TGS1: variants seen among roughly 807,000 people sequenced by gnomAD.
TGS1 encodes trimethylguanosine synthase 1.
In TGS1, 69 loss-of-function variants were observed where a neutral mutation model predicts 92.2. That is an observed-to-expected ratio of 0.75 (90% CI 0.62 to 0.91). The LOEUF (loss-of-function observed/expected upper bound fraction) is 0.91, where lower values mean the gene tolerates loss of function less well. TGS1 is among the 40% of genes least tolerant of loss of function. The probability of loss-of-function intolerance (pLI) is 0.00; values close to 1 mark genes in which losing one functional copy is unlikely to be tolerated. For missense variants in TGS1, 1,062 were observed against 1,001.2 expected, an observed-to-expected ratio of 1.06 and a Z score of -0.82; for synonymous variants, 345 against 338.1, an observed-to-expected ratio of 1.02 and a Z score of -0.22.
Position 55,798,914 on chromosome 8 carries a change from G to T in TGS1, c.1543G>T (p.Val515Leu), listed in dbSNP as rs138775007. Residue 515 changes from valine (V) to leucine (L), a missense_variant and splice_region_variant, in exon 8 of 13, where the codon GTA (valine) becomes TTA (leucine). By Grantham distance (32) the Val-to-Leu change is conservative (BLOSUM62 1). Coordinates refer to ENST00000260129, the MANE Select transcript of TGS1 (RefSeq NM_024831.8). The part of the protein sequence containing the change: ...FFKKSKILSK[V>L]EKFLTWVNKP... Reference sequence around the variant, plus strand: ...TCATGATGTCATCTTAAAATTTAAGGTAGAAAAATTCCTCACATGGGTTAA... The same window carrying T: ...TCATGATGTCATCTTAAAATTTAAGTTAGAAAAATTCCTCACATGGGTTAA... 64 of 1,592,464 alleles carry T rather than the reference G, an allele frequency of 4.0e-5. No individual in the cohort carries two copies. In the African/African-American group the frequency reaches 8.7e-4, roughly 22 times the overall value.
intron 5 of TGS1, among the ~76,000 whole-genome samples, chr8:55,791,362 C>G (rs1811882107): frequency 6.6e-6 from 1 of 152,198 alleles, no homozygotes; most frequent in African/African-American, 2.4e-5. Flanking sequence ...CAGATAGCTG[C>G]TTATACAGGA....
intron 12 of TGS1, among the ~76,000 whole-genome samples, chr8:55,815,034 G>A (rs778673295): frequency 1.3e-5 from 2 of 151,712 alleles, no homozygotes; most frequent in Non-Finnish European, 2.9e-5. Context: ...GCTCTACATC[G>A]TCTCATCAGA....
chr8:55,813,872 T>C (rs1028043942), intron 12 of TGS1, among the ~76,000 whole-genome samples: 1 of 152,214 alleles, frequency 6.6e-6, no homozygotes, highest in African/African-American at 2.4e-5. Context: ...GAAGTCCAAT[T>C]TATCTTTCTT....
intron 12 of TGS1, among the ~76,000 whole-genome samples, chr8:55,814,659 T>TA (rs1186059592): frequency 0.012 from 1,439 of 116,096 alleles, 21 homozygotes; most frequent in East Asian, 0.02. Context: ...CGTCTCTACT[T>TA]AAAAAAAAAA....
In TGS1 at chr8:55,785,856, C is replaced by A; in HGVS notation, c.304C>A (p.Gln102Lys). The A allele has an allele frequency of 6.2e-7, 1 of 1,612,228 alleles. No homozygotes were observed. The highest frequency in any genetic ancestry group is 8.5e-7 in the Non-Finnish European group (1 of 1,179,348). ...ELMRSMGLPL[Q>K]FGRITAHKDF... ...CATGAGAAGTATGGGATTGCCACTT[C>A]AATTTGGTAGGATAACTGCACATAA... Residue 102 changes from glutamine (Q) to lysine (K), a missense_variant, in exon 3 of 13, where the codon CAA becomes AAA. Coordinates refer to ENST00000260129, the MANE Select transcript of TGS1 (RefSeq NM_024831.8).
chr8:55,799,477 C>A (rs958300006), intron 8 of TGS1, among the ~76,000 whole-genome samples: 2 of 152,178 alleles, frequency 1.3e-5, no homozygotes, highest in Non-Finnish European at 2.9e-5. Context: ...TGTCTGCAGA[C>A]CACTGTCTGC....
At chr8:55,824,373 A>G (rs1803735250) in intron 12 of TGS1, among the ~76,000 whole-genome samples, 1 of 152,234 alleles carries the variant, frequency 6.6e-6, no homozygotes, top group Non-Finnish European at 1.5e-5. Flanking sequence ...ACTTTCCCAT[A>G]ATATCAAAAG....
intron 12 of TGS1, among the ~76,000 whole-genome samples, chr8:55,823,631 T>A (rs1803712822): frequency 6.6e-6 from 1 of 152,170 alleles, no homozygotes; most frequent in Admixed American, 6.6e-5. Context: ...GATCCTGGCC[T>A]GGATCAGAGC....
At chr8:55,778,329 A>G (rs1039259253) in intron 1 of TGS1, among the ~76,000 whole-genome samples, 15 of 152,200 alleles carry the variant, frequency 9.9e-5, no homozygotes, top group Non-Finnish European at 2.1e-4. Context: ...GCACATCTGT[A>G]TGACATGAGA....
chr8:55,778,795 G>C (rs1185345327), intron 1 of TGS1, among the ~76,000 whole-genome samples: 1 of 152,116 alleles, frequency 6.6e-6, no homozygotes, highest in African/African-American at 2.4e-5. Context: ...CAGTCCCTTT[G>C]CAAAAGAGGA....
Position 55,810,806 on chromosome 8 carries a change from A to G in TGS1, c.2144-75A>G, listed in dbSNP as rs868162508. 6 of 1,232,172 alleles carry G rather than the reference A, an allele frequency of 4.9e-6. No individual in the cohort carries two copies. In the Middle Eastern group the frequency reaches 6.9e-4, roughly 142 times the overall value. The allele number at this position is 1,232,172 out of a possible 1,614,324, so 76.3% of individuals were successfully genotyped here. ...GTTCTTATACAGAAGATGACAGACTATTCGAAAGACAAACTATCCTATATA... is the reference window on the plus strand; with the variant it reads ...GTTCTTATACAGAAGATGACAGACTGTTCGAAAGACAAACTATCCTATATA... On this transcript the variant is annotated intron_variant, in intron 10 of 12. Transcript: ENST00000260129.
intron 10 of TGS1, among the ~76,000 whole-genome samples, chr8:55,807,527 T>G (rs1231510941): frequency 1.5e-4 from 23 of 151,888 alleles, no homozygotes; most frequent in Non-Finnish European, 2.4e-4. Context: ...TTTGCTTTTT[T>G]CTTGTTTGTT....
intron 3 of TGS1, 79 bp downstream of exon 3, chr8:55,785,970 A>T: frequency 8.7e-7 from 1 of 1,152,286 alleles, no homozygotes; most frequent in Non-Finnish European, 1.2e-6. Flanking sequence ...TTTTTATCAG[A>T]TTATATGCAT....
At chr8:55,811,354 C>T (rs1243365337) in intron 11 of TGS1, among the ~76,000 whole-genome samples, 1 of 151,680 alleles carries the variant, frequency 6.6e-6, no homozygotes, top group Admixed American at 6.6e-5. Flanking sequence ...TCCAGCTACT[C>T]GGGAGGCCGA....
chr8:55,815,426 A>G (rs1251848064), intron 12 of TGS1, among the ~76,000 whole-genome samples: 2 of 152,150 alleles, frequency 1.3e-5, no homozygotes, highest in African/African-American at 4.8e-5. Context: ...ATGAGAGGAG[A>G]CAGTACTAAA....
chr8:55,783,939 A>G (rs942168890), intron 2 of TGS1, among the ~76,000 whole-genome samples: 7 of 152,164 alleles, frequency 4.6e-5, no homozygotes, highest in Admixed American at 2.0e-4. Context: ...CATTTTCTCC[A>G]TTTTGCTGTC....
chr8:55,817,622 T>A (rs768487018), intron 12 of TGS1, among the ~76,000 whole-genome samples: 1 of 152,226 alleles, frequency 6.6e-6, no homozygotes, highest in Admixed American at 6.5e-5. Context: ...TAGATTTTTT[T>A]AATTTGTGTC....
chr8:55,785,859 T>C lies in TGS1; in HGVS notation c.307T>C (p.Phe103Leu). The C allele has an allele frequency of 1.9e-6, 3 of 1,611,998 alleles. No homozygotes were observed. The highest frequency in any genetic ancestry group is 2.5e-6 in the Non-Finnish European group (3 of 1,179,342). Residue 103 changes from phenylalanine to leucine, a missense_variant, in exon 3 of 13, where the codon TTT (phenylalanine) becomes CTT (leucine). Transcript: ENST00000260129. ...LMRSMGLPLQ[F>L]GRITAHKDFE... Reference sequence around the variant, plus strand: ...GAGAAGTATGGGATTGCCACTTCAATTTGGTAGGATAACTGCACATAAGGA... The same window carrying C: ...GAGAAGTATGGGATTGCCACTTCAACTTGGTAGGATAACTGCACATAAGGA...
At chr8:55,809,535 A>G (rs950137767) in intron 10 of TGS1, among the ~76,000 whole-genome samples, 3 of 151,430 alleles carry the variant, frequency 2.0e-5, no homozygotes, top group Non-Finnish European at 4.4e-5. Context: ...GTCTCAGCTC[A>G]CTGCAATCTC....
Sources: allele counts gnomAD v4.1 joint callset (sites outside exome capture counted in the v4.1 genomes callset), GRCh38; gene constraint gnomAD v4.1.1; transcripts MANE v1.5; gene names NCBI Gene and HGNC (gene_info 2026-07-23, HGNC 2026-07-21).